Variants in TANC1 observed in about 807,000 individuals in gnomAD.
TANC1 encodes protein TANC1.
A neutral mutation model predicts 149.7 loss-of-function variants in TANC1; 77 were observed. That is an observed-to-expected ratio of 0.51 (90% CI 0.43 to 0.62). The LOEUF (loss-of-function observed/expected upper bound fraction) is 0.62. Ranked by LOEUF, TANC1 falls within the 20% of genes least tolerant of loss-of-function variation. The probability of loss-of-function intolerance (pLI) is 0.00; values close to 1 mark genes in which losing one functional copy is unlikely to be tolerated. For synonymous variants in TANC1, 854 were observed against 925.0 expected (o/e 0.92, Z 1.39); for missense variants, 1,985 against 2,321.8 (o/e 0.85, Z 2.98).
chr2:159,093,674 CAG>C (rs2149878135), intron 3 of TANC1, among the ~76,000 whole-genome samples: 1 of 151,328 alleles, frequency 6.6e-6, no homozygotes, highest in East Asian at 1.9e-4. Context: ...ACAAACCAAA[CAG>C]AACAACATGT....
chr2:159,045,880 G>A (rs1381397482), intron 2 of TANC1, among the ~76,000 whole-genome samples: 1 of 152,080 alleles, frequency 6.6e-6, no homozygotes, highest in Non-Finnish European at 1.5e-5. Flanking sequence ...CAAAGAACAA[G>A]AAAAATGACA....
At chr2:159,096,888 G>A (rs2046201432) in intron 3 of TANC1, among the ~76,000 whole-genome samples, 1 of 152,204 alleles carries the variant, frequency 6.6e-6, no homozygotes, top group Non-Finnish European at 1.5e-5. Flanking sequence ...CTTTAAAATG[G>A]AGAATCAAAG....
intron 24 of TANC1, 142 bp from the exon 25 acceptor site, chr2:159,227,677 C>T (rs1398808779): frequency 3.4e-6 from 3 of 891,820 alleles, no homozygotes; most frequent in South Asian, 1.6e-5. Context: ...CTAGCTCCCA[C>T]CTTGACACTT....
chr2:159,022,373 T>G (rs965149810), intron 2 of TANC1, among the ~76,000 whole-genome samples: 2 of 152,202 alleles, frequency 1.3e-5, no homozygotes, highest in Non-Finnish European at 2.9e-5. Context: ...GGACCTCTTG[T>G]TTTTGATCTG....
intron 4 of TANC1, among the ~76,000 whole-genome samples, chr2:159,127,875 A>C (rs977302483): frequency 5.3e-5 from 8 of 152,194 alleles, no homozygotes; most frequent in African/African-American, 1.9e-4. Context: ...TACAATTTGG[A>C]AAAAAGGAGC....
intron 3 of TANC1, among the ~76,000 whole-genome samples, chr2:159,095,385 T>A (rs898864237): frequency 3.3e-5 from 5 of 152,212 alleles, no homozygotes; most frequent in African/African-American, 1.2e-4. Flanking sequence ...CTGACTTTGC[T>A]GACATGCCCA....
chr2:159,010,471 A>G (rs2037640172), intron 2 of TANC1, among the ~76,000 whole-genome samples: 1 of 152,218 alleles, frequency 6.6e-6, no homozygotes, highest in East Asian at 1.9e-4. Context: ...TGCATTACTC[A>G]TTAGGAGAAT....
chr2:159,010,973 C>T (rs2037698430), intron 2 of TANC1, among the ~76,000 whole-genome samples: 1 of 152,110 alleles, frequency 6.6e-6, no homozygotes, highest in South Asian at 2.1e-4. Flanking sequence ...TTGTGAAGAG[C>T]TGAGGATGGA....
intron 4 of TANC1, among the ~76,000 whole-genome samples, chr2:159,129,711 G>A (rs930686601): frequency 1.3e-5 from 2 of 152,178 alleles, no homozygotes; most frequent in African/African-American, 2.4e-5. Context: ...ACATAGTGGA[G>A]ATTGTGAGGG....
chr2:159,072,150 T>C (rs1164528494), intron 3 of TANC1, among the ~76,000 whole-genome samples: 1 of 152,124 alleles, frequency 6.6e-6, no homozygotes, highest in African/African-American at 2.4e-5. Flanking sequence ...CCCAGCTAAT[T>C]TTCGTATTTT....
chr2:159,221,554 A>G (rs894854543), intron 22 of TANC1, among the ~76,000 whole-genome samples: 6 of 151,996 alleles, frequency 3.9e-5, no homozygotes, highest in Non-Finnish European at 8.8e-5. Flanking sequence ...TGTGAGTTCA[A>G]CTTGTTTAGA....
chr2:159,151,176 A>ATTTT (rs1164898151), intron 7 of TANC1, among the ~76,000 whole-genome samples: 3 of 152,192 alleles, frequency 2.0e-5, no homozygotes, highest in Non-Finnish European at 2.9e-5. Context: ...CTTTTTGCAC[A>ATTTT]CTTTCTTTCT....
At chr2:159,004,340 G>A (rs1189066469) in intron 2 of TANC1, 2 of 1,608,600 alleles carry the variant, frequency 1.2e-6, no homozygotes, top group Non-Finnish European at 1.7e-6. Flanking sequence ...GTTTTTGGAA[G>A]CTGGCATGGA....
rs756709695 is a variant in TANC1, at chr2:159,178,651, C to T, written c.1998C>T (p.His666=). The change falls in exon 14 of 27, where the codon CAC becomes CAT. Residue 666 remains histidine, a synonymous_variant. Coordinates refer to ENST00000263635, the MANE Select transcript of TANC1 (RefSeq NM_033394.3). ...IHSDLHAYVQ[H]RVHSSQDILS... Reference sequence around the variant, plus strand: ...GTGACCTGCACGCCTACGTCCAGCACAGGGTGCACAGCAGCCAGGACATCC... The same window carrying T: ...GTGACCTGCACGCCTACGTCCAGCATAGGGTGCACAGCAGCCAGGACATCC... 3 of 1,614,194 alleles carry T rather than the reference C, an allele frequency of 1.9e-6. No homozygotes were observed. Among genetic ancestry groups the T allele is most frequent in the South Asian group, 1.1e-5 (1 of 91,082 alleles).
chr2:159,010,516 C>T (rs1484570956), intron 2 of TANC1, among the ~76,000 whole-genome samples: 1 of 152,164 alleles, frequency 6.6e-6, no homozygotes, highest in East Asian at 1.9e-4. Flanking sequence ...AAGTGGAGGC[C>T]GTGGGTGCGT....
chr2:159,091,786 T>A (rs572299026), intron 3 of TANC1, among the ~76,000 whole-genome samples: 290 of 152,344 alleles, frequency 1.9e-3, no homozygotes, highest in African/African-American at 6.5e-3. Flanking sequence ...ATTGTCTGAA[T>A]AAAGTTTTTG....
chr2:159,157,981 T>C (rs1575012721), intron 7 of TANC1, among the ~76,000 whole-genome samples: 2 of 152,186 alleles, frequency 1.3e-5, no homozygotes, highest in African/African-American at 2.4e-5. Flanking sequence ...TTTTCTATTA[T>C]AATAGTATAT....
At chr2:159,068,115 A>G (rs894771732) in intron 3 of TANC1, among the ~76,000 whole-genome samples, 1 of 152,246 alleles carries the variant, frequency 6.6e-6, no homozygotes, top group African/African-American at 2.4e-5. Flanking sequence ...TGGTTGTATT[A>G]GGCTAGCAAC....
At chr2:158,988,323 C>CT (rs376499341) in intron 1 of TANC1, among the ~76,000 whole-genome samples, 17,173 of 129,902 alleles carry the variant, frequency 0.13, 1,508 homozygotes, top group Admixed American at 0.15. Flanking sequence ...AAGACCCTGT[C>CT]CCAAAAAAAA....
Sources: allele counts gnomAD v4.1 joint callset (sites outside exome capture counted in the v4.1 genomes callset), GRCh38; gene constraint gnomAD v4.1.1; transcripts MANE v1.5; gene names NCBI Gene and HGNC (gene_info 2026-07-23, HGNC 2026-07-21).